The following NXPH2 variants were observed in gnomAD, a reference collection of about 807,000 sequenced individuals.
NXPH2 encodes the protein neurexophilin-2.
A neutral mutation model predicts 19.8 loss-of-function variants in NXPH2; 5 were observed. That is an observed-to-expected ratio of 0.25 (90% confidence interval 0.13 to 0.53). The LOEUF is 0.53. Ranked by LOEUF, NXPH2 falls within the 20% of genes least tolerant of loss-of-function variation. NXPH2 has a pLI of 0.96. For synonymous variants in NXPH2, 154 were observed against 127.4 expected (o/e 1.21, Z -1.41); for missense variants, 289 against 322.8 (o/e 0.90, Z 0.80).
intron 1 of NXPH2, among the ~76,000 whole-genome samples, chr2:138,716,466 T>A (rs1681196760): frequency 6.6e-6 from 1 of 152,166 alleles, no homozygotes; most frequent in Non-Finnish European, 1.5e-5. Flanking sequence ...CACCATACAT[T>A]GAATCTGCTG....
chr2:138,723,625 C>G (rs1024720384), intron 1 of NXPH2, among the ~76,000 whole-genome samples: 1 of 152,192 alleles, frequency 6.6e-6, no homozygotes, highest in African/African-American at 2.4e-5. Context: ...TAAAAGGAAA[C>G]TGACATTTAT....
At chr2:138,728,252 C>G (rs900462520) in intron 1 of NXPH2, among the ~76,000 whole-genome samples, 1 of 152,092 alleles carries the variant, frequency 6.6e-6, no homozygotes, top group Non-Finnish European at 1.5e-5. Context: ...GAGAAGATGG[C>G]CACTTGTGAG....
At chr2:138,725,869 A>T (rs1208005877) in intron 1 of NXPH2, among the ~76,000 whole-genome samples, 3 of 152,200 alleles carry the variant, frequency 2.0e-5, no homozygotes, top group African/African-American at 7.2e-5. Context: ...TCATTGTTCC[A>T]GTAATGTCAT....
At chr2:138,710,180 C>T (rs777005251) in intron 1 of NXPH2, among the ~76,000 whole-genome samples, 2 of 152,160 alleles carry the variant, frequency 1.3e-5, no homozygotes, top group African/African-American at 2.4e-5. Flanking sequence ...CCTTTTGTGT[C>T]TCACTTGTAT....
chr2:138,735,359 A>G (rs1485599323), intron 1 of NXPH2, among the ~76,000 whole-genome samples: 2 of 152,190 alleles, frequency 1.3e-5, no homozygotes, highest in Admixed American at 6.5e-5. Flanking sequence ...CCTCACAGTC[A>G]TGGTGGAAGG....
At chr2:138,718,902 C>T (rs1050457859) in intron 1 of NXPH2, among the ~76,000 whole-genome samples, 2 of 151,878 alleles carry the variant, frequency 1.3e-5, no homozygotes, top group African/African-American at 2.4e-5. Context: ...ACGGGAGACA[C>T]AGTCTCACTA....
intron 1 of NXPH2, among the ~76,000 whole-genome samples, chr2:138,710,648 C>T (rs754732996): frequency 9.9e-5 from 15 of 152,148 alleles, no homozygotes; most frequent in Admixed American, 2.0e-4. Context: ...CCACCCTAGA[C>T]TCTATGAGAT....
At chr2:138,705,109 G>A (rs1278885092) in intron 1 of NXPH2, among the ~76,000 whole-genome samples, 15 of 152,030 alleles carry the variant, frequency 9.9e-5, no homozygotes, top group Non-Finnish European at 1.3e-4. Context: ...TAACAGGCGT[G>A]AGCCACCACA....
chr2:138,730,318 C>T (rs370807066), intron 1 of NXPH2, among the ~76,000 whole-genome samples: 1 of 152,030 alleles, frequency 6.6e-6, no homozygotes, highest in Non-Finnish European at 1.5e-5. Flanking sequence ...TCACAGCCTC[C>T]CCAGTAATTG....
intron 1 of NXPH2, among the ~76,000 whole-genome samples, chr2:138,755,227 G>A (rs1029696936): frequency 4.0e-5 from 6 of 151,678 alleles, no homozygotes; most frequent in East Asian, 1.9e-4. Context: ...TTTTTCTTTC[G>A]CAAAGTGTGC....
At chr2:138,761,103 G>A (rs1682007435) in intron 1 of NXPH2, among the ~76,000 whole-genome samples, 2 of 152,222 alleles carry the variant, frequency 1.3e-5, no homozygotes, top group Admixed American at 6.5e-5. Flanking sequence ...CTGAAGCTCA[G>A]CAAGCCATAA....
intron 1 of NXPH2, among the ~76,000 whole-genome samples, chr2:138,758,150 G>C (rs1351349008): frequency 2.0e-5 from 3 of 152,044 alleles, no homozygotes; most frequent in Non-Finnish European, 1.5e-5. Flanking sequence ...TTTTATGATA[G>C]AAACTCAAGA....
In NXPH2 at chr2:138,733,686, G is replaced by A. The variant is rs77940703; in HGVS notation, c.51+46505C>T. 2.3e-3 allele frequency among the ~76,000 whole-genome samples: 353 copies of A among 152,152 alleles called. 1 individual carries two copies. Among genetic ancestry groups the A allele is most frequent in the East Asian group, 0.019 (100 of 5,172 alleles). ...ATCTAAGAAAGCTCTCACAATGTTC[G>A]GCTGCATTATAAGTACAGACTATAG... On this transcript the variant is annotated intron_variant, in intron 1 of 1. Coordinates refer to ENST00000272641, the MANE Select transcript of NXPH2 (RefSeq NM_007226.3).
intron 1 of NXPH2, among the ~76,000 whole-genome samples, chr2:138,674,136 C>A (rs1310506242): frequency 6.6e-6 from 1 of 151,846 alleles, no homozygotes; most frequent in Non-Finnish European, 1.5e-5. Context: ...CACTACCATG[C>A]CTGGCTAATT....
intron 1 of NXPH2, among the ~76,000 whole-genome samples, chr2:138,692,519 G>A (rs752033825): frequency 4.6e-5 from 7 of 152,112 alleles, no homozygotes; most frequent in Non-Finnish European, 7.4e-5. Flanking sequence ...TTGCCATAAA[G>A]AGAATTCTTG....
chr2:138,725,913 A>T (rs970541196), intron 1 of NXPH2, among the ~76,000 whole-genome samples: 1 of 152,172 alleles, frequency 6.6e-6, no homozygotes, highest in Non-Finnish European at 1.5e-5. Context: ...TTGTTTCAGG[A>T]TGTAAGAATT....
In NXPH2 at chr2:138,739,993, C is replaced by G. The variant is rs893384259; in HGVS notation, c.51+40198G>C. Among the ~76,000 whole-genome samples, 17 of 152,096 alleles carry G rather than the reference C, an allele frequency of 1.1e-4. 1 individual carries two copies. The highest frequency in any genetic ancestry group is 5.9e-4 in the Admixed American group (9 of 15,256). On this transcript the variant is annotated intron_variant, in intron 1 of 1. Transcript: ENST00000272641. ...TCCCATAATAGCTGTGGTAATTTTG[C>G]CCTCATCCCTCTATCTCTGCTCTCT...
chr2:138,777,152 T>A (rs1682275908), intron 1 of NXPH2, among the ~76,000 whole-genome samples: 1 of 152,070 alleles, frequency 6.6e-6, no homozygotes, highest in African/African-American at 2.4e-5. Context: ...TTACAAATCA[T>A]CATGCAAATC....
intron 1 of NXPH2, among the ~76,000 whole-genome samples, chr2:138,713,204 G>A (rs1681131748): frequency 6.6e-6 from 1 of 152,160 alleles, no homozygotes; most frequent in African/African-American, 2.4e-5. Context: ...ATCTGCGACT[G>A]GGCTCCTGCC....
Sources: gnomAD v4.1 joint callset for allele counts (sites outside exome capture counted in the v4.1 genomes callset) on GRCh38, gnomAD v4.1.1 for gene constraint, MANE v1.5 for transcripts, NCBI Gene and HGNC (gene_info 2026-07-23, HGNC 2026-07-21) for gene names.